The following DCDC1 variants were observed in gnomAD, a reference collection of about 807,000 sequenced individuals.
DCDC1 encodes the protein doublecortin domain-containing protein 1.
DCDC1 carries 200 observed loss-of-function variants against 178.3 expected under a neutral mutation model. The ratio of observed to expected loss-of-function variants is 1.12; its 90% CI spans 1.00 to 1.26. The LOEUF is 1.26. DCDC1 is among the 50% of genes most tolerant of loss of function. The probability of loss-of-function intolerance (pLI) is 0.00; values close to 1 mark genes in which losing one functional copy is unlikely to be tolerated. For synonymous variants in DCDC1, 690 were observed against 604.8 expected (o/e 1.14, Z -2.07); for missense variants, 1,983 against 1,749.2 (o/e 1.13, Z -2.38).
intron 20 of DCDC1, among the ~76,000 whole-genome samples, chr11:31,061,825 G>A (rs1955936112): frequency 6.6e-6 from 1 of 152,068 alleles, no homozygotes; most frequent in East Asian, 1.9e-4. Context: ...GAAACTTAAA[G>A]ACATCTCAGT....
At chr11:31,247,902 T>A (rs1454370851) in intron 8 of DCDC1, among the ~76,000 whole-genome samples, 1 of 152,104 alleles carries the variant, frequency 6.6e-6, no homozygotes, top group Non-Finnish European at 1.5e-5. Context: ...ATATTTGATA[T>A]TTAGTAGTAA....
chr11:31,353,705 T>C (rs928087793), intron 1 of DCDC1, among the ~76,000 whole-genome samples: 2 of 152,196 alleles, frequency 1.3e-5, no homozygotes, highest in Non-Finnish European at 2.9e-5. Context: ...TTGATTATAA[T>C]GCCAACACCT....
intron 3 of DCDC1, among the ~76,000 whole-genome samples, chr11:31,325,955 T>C (rs1473915858): frequency 1.3e-5 from 2 of 152,126 alleles, no homozygotes; most frequent in African/African-American, 2.4e-5. Flanking sequence ...CTGATAATCA[T>C]ATTAATACCA....
At chr11:30,996,189 T>C (rs891650132) in intron 20 of DCDC1, among the ~76,000 whole-genome samples, 15 of 151,924 alleles carry the variant, frequency 9.9e-5, no homozygotes, top group African/African-American at 2.9e-4. Flanking sequence ...CATTAGTAAA[T>C]TGAAAATTAA....
chr11:31,153,384 C>T (rs1024473453), intron 9 of DCDC1, among the ~76,000 whole-genome samples: 1 of 152,170 alleles, frequency 6.6e-6, no homozygotes, highest in Non-Finnish European at 1.5e-5. Context: ...ACTCTTCAAA[C>T]CCCCATCGCA....
intron 17 of DCDC1, among the ~76,000 whole-genome samples, chr11:31,085,511 T>TTTTTG (rs1443201817): frequency 6.6e-6 from 1 of 152,186 alleles, no homozygotes; most frequent in Non-Finnish European, 1.5e-5. Flanking sequence ...TTTGTTTTAT[T>TTTTTG]TTCTACTTTC....
chr11:31,292,641 T>C (rs1436211278), intron 6 of DCDC1, among the ~76,000 whole-genome samples: 1 of 151,966 alleles, frequency 6.6e-6, no homozygotes, highest in African/African-American at 2.4e-5. Context: ...GCTTAATGGG[T>C]AAGGGGTTTT....
At chr11:30,868,065 T>G (rs1941166015) in intron 38 of DCDC1, among the ~76,000 whole-genome samples, 1 of 152,032 alleles carries the variant, frequency 6.6e-6, no homozygotes, top group African/African-American at 2.4e-5. Flanking sequence ...TCCAAAGATA[T>G]GTAAAATAGT....
intron 9 of DCDC1, among the ~76,000 whole-genome samples, chr11:31,185,154 C>A (rs535637269): frequency 6.6e-6 from 1 of 152,260 alleles, no homozygotes; most frequent in South Asian, 2.1e-4. Context: ...CAAACTAACA[C>A]AAGAAGAGAA....
intron 23 of DCDC1, among the ~76,000 whole-genome samples, chr11:30,924,588 T>A (rs997000341): frequency 6.6e-6 from 1 of 152,112 alleles, no homozygotes; most frequent in Middle Eastern, 3.2e-3. Context: ...AAAGTAGACA[T>A]AATTTTGTCC....
intron 20 of DCDC1, among the ~76,000 whole-genome samples, chr11:30,958,975 C>T (rs1309230452): frequency 6.6e-6 from 1 of 152,100 alleles, no homozygotes; most frequent in African/African-American, 2.4e-5. Flanking sequence ...TTGCATCAGT[C>T]ATAGTCTAGT....
At chr11:31,050,350 C>T (rs1367183243) in intron 20 of DCDC1, among the ~76,000 whole-genome samples, 4 of 152,166 alleles carry the variant, frequency 2.6e-5, no homozygotes, top group Non-Finnish European at 4.4e-5. Context: ...TGCAGCAAGA[C>T]CTGCCCAAGG....
intron 7 of DCDC1, among the ~76,000 whole-genome samples, chr11:31,271,754 A>G (rs1945569007): frequency 1.3e-5 from 2 of 152,196 alleles, no homozygotes; most frequent in Admixed American, 1.3e-4. Flanking sequence ...ACCATCCCAC[A>G]TGGCTGGAGA....
chr11:30,975,599 G>T (rs1232091442), intron 20 of DCDC1, among the ~76,000 whole-genome samples: 1 of 151,614 alleles, frequency 6.6e-6, no homozygotes, highest in Non-Finnish European at 1.5e-5. Flanking sequence ...AGAAATCGAG[G>T]CTCATTTATA....
intron 3 of DCDC1, among the ~76,000 whole-genome samples, chr11:31,326,975 C>T (rs552767429): frequency 1.3e-5 from 2 of 152,056 alleles, no homozygotes; most frequent in African/African-American, 4.8e-5. Context: ...GGAAGAATAC[C>T]GTCTCCTCTG....
At chr11:31,359,014 G>A (rs202208196) in intron 1 of DCDC1, among the ~76,000 whole-genome samples, 1 of 152,132 alleles carries the variant, frequency 6.6e-6, no homozygotes, top group Non-Finnish European at 1.5e-5. Flanking sequence ...ACCATTGTGG[G>A]AGTCAGTGTG....
intron 17 of DCDC1, among the ~76,000 whole-genome samples, chr11:31,084,248 C>T (rs1210291957): frequency 6.6e-6 from 1 of 151,996 alleles, no homozygotes; most frequent in Non-Finnish European, 1.5e-5. Context: ...TTATTTCTAG[C>T]ATGTAAAGGC....
At chr11:31,007,773 C>T (rs999361065) in intron 20 of DCDC1, among the ~76,000 whole-genome samples, 4 of 151,818 alleles carry the variant, frequency 2.6e-5, no homozygotes, top group Admixed American at 6.6e-5. Context: ...AAGTGATTCT[C>T]GTGCCTCACC....
At chr11:31,346,695 CAT>C (rs1950834728) in intron 1 of DCDC1, among the ~76,000 whole-genome samples, 1 of 151,926 alleles carries the variant, frequency 6.6e-6, no homozygotes, top group Non-Finnish European at 1.5e-5. Context: ...TTTTGTTAGA[CAT>C]ATAAACCGAG....
Sources: gnomAD v4.1 joint callset for allele counts (sites outside exome capture counted in the v4.1 genomes callset) on GRCh38, gnomAD v4.1.1 for gene constraint, MANE v1.5 for transcripts, NCBI Gene and HGNC (gene_info 2026-07-23, HGNC 2026-07-21) for gene names.